Variants in TRPM3 observed in about 807,000 individuals in gnomAD.
The protein encoded by TRPM3 is transient receptor potential cation channel subfamily M member 3.
TRPM3 carries 77 observed loss-of-function variants against 181.2 expected under a neutral mutation model. The ratio of observed to expected loss-of-function variants is 0.42; its 90% CI spans 0.35 to 0.51. TRPM3 has a LOEUF of 0.51. TRPM3 is among the 20% of genes least tolerant of loss of function. TRPM3 has a pLI of 0.01. For synonymous variants in TRPM3, 745 were observed against 796.4 expected (o/e 0.94, Z 1.09); for missense variants, 1,759 against 2,196.7 (o/e 0.80, Z 3.98).
intron 1 of TRPM3, among the ~76,000 whole-genome samples, chr9:70,992,747 G>T (rs748434465): frequency 6.6e-6 from 1 of 152,190 alleles, no homozygotes; most frequent in Non-Finnish European, 1.5e-5. Context: ...ATTCTAGAGG[G>T]TGTGTGGTAG....
At chr9:71,158,437 T>C (rs1227222817) in intron 1 of TRPM3, among the ~76,000 whole-genome samples, 3 of 152,284 alleles carry the variant, frequency 2.0e-5, no homozygotes, top group South Asian at 2.1e-4. Flanking sequence ...TGTAGACCTG[T>C]TAACAATTTA....
intron 1 of TRPM3, among the ~76,000 whole-genome samples, chr9:71,437,950 A>T (rs992029082): frequency 2.0e-5 from 3 of 152,110 alleles, no homozygotes; most frequent in Non-Finnish European, 4.4e-5. Context: ...TTCTCTAAGC[A>T]ATCATCCCCA....
At chr9:70,596,712 C>CAAA (rs33932883) in intron 21 of TRPM3, among the ~76,000 whole-genome samples, 2 of 132,110 alleles carry the variant, frequency 1.5e-5, no homozygotes, top group Non-Finnish European at 3.2e-5. Flanking sequence ...AAAACACTGT[C>CAAA]AAAAAAAAAA....
intron 1 of TRPM3, among the ~76,000 whole-genome samples, chr9:71,212,851 CTATG>C (rs3041656): frequency 3.3e-5 from 5 of 150,966 alleles, no homozygotes; most frequent in African/African-American, 7.3e-5. Flanking sequence ...GCCAGCTTTA[CTATG>C]TATGTATGTA....
At chr9:71,272,459 T>C (rs1588225504) in intron 1 of TRPM3, among the ~76,000 whole-genome samples, 1 of 152,192 alleles carries the variant, frequency 6.6e-6, no homozygotes, top group Non-Finnish European at 1.5e-5. Flanking sequence ...GGTATTGGTA[T>C]ATTCATTAGC....
chr9:71,332,376 G>GCGCGCGTGTGTGT (rs2090261288), intron 1 of TRPM3, among the ~76,000 whole-genome samples: 1 of 142,248 alleles, frequency 7.0e-6, no homozygotes, highest in African/African-American at 2.6e-5. Flanking sequence ...TTCAATGTTG[G>GCGCGCGTGTGTGT]GTGTGTGTGT....
intron 1 of TRPM3, among the ~76,000 whole-genome samples, chr9:70,968,675 T>G (rs571181003): frequency 2.6e-5 from 4 of 152,310 alleles, no homozygotes; most frequent in Non-Finnish European, 5.9e-5. Flanking sequence ...TGGGATGGTT[T>G]TTTTTGTGTT....
intron 1 of TRPM3, among the ~76,000 whole-genome samples, chr9:71,223,051 G>T (rs191874468): frequency 6.6e-6 from 1 of 151,978 alleles, no homozygotes; most frequent in Non-Finnish European, 1.5e-5. Context: ...GGGGCTGGGG[G>T]TGGTGGGCAT....
At chr9:71,042,070 T>C (rs985713338) in intron 1 of TRPM3, among the ~76,000 whole-genome samples, 2 of 152,196 alleles carry the variant, frequency 1.3e-5, no homozygotes, top group East Asian at 3.8e-4. Flanking sequence ...CGAGAGACAT[T>C]ATTATTCCCA....
At position 71,065,429 on chromosome 9, in the gene TRPM3, C is replaced by A. The variant is rs75596879; in HGVS notation, c.177+55749G>T. Among the ~76,000 whole-genome samples the A allele has an allele frequency of 4.9e-3, 752 of 152,128 alleles. 18 individuals are homozygous for A. In the East Asian group the frequency reaches 0.078, roughly 16 times the overall value. ...TTAATGAGTGAATCAATGAATTAGC[C>A]CTCTGAACACGGGAGAGTTAAGGGA... is the stretch of plus-strand genomic sequence containing the variant. On this transcript the variant is annotated intron_variant, in intron 1 of 25. Transcript: ENST00000677713.
chr9:71,288,271 T>C (rs183965525), intron 1 of TRPM3, among the ~76,000 whole-genome samples: 3 of 152,046 alleles, frequency 2.0e-5, no homozygotes, highest in Admixed American at 6.6e-5. Context: ...TGTTAGCATC[T>C]CATAATATTG....
intron 1 of TRPM3, among the ~76,000 whole-genome samples, chr9:71,025,791 C>T (rs1343436104): frequency 6.6e-6 from 1 of 152,168 alleles, no homozygotes; most frequent in Admixed American, 6.5e-5. Context: ...CAACTAAACA[C>T]AGCCAGGAGG....
intron 8 of TRPM3, among the ~76,000 whole-genome samples, chr9:70,682,139 T>C (rs1238876951): frequency 6.6e-6 from 1 of 152,134 alleles, no homozygotes; most frequent in Non-Finnish European, 1.5e-5. Flanking sequence ...GCAGCCTGAA[T>C]AGACTAAGAC....
chr9:71,302,521 T>C (rs2132338096), intron 1 of TRPM3, among the ~76,000 whole-genome samples: 1 of 152,338 alleles, frequency 6.6e-6, no homozygotes, highest in South Asian at 2.1e-4. Context: ...TTCTTGACAG[T>C]CATTGTATTC....
At chr9:70,636,953 G>A (rs982008386) in intron 11 of TRPM3, among the ~76,000 whole-genome samples, 5 of 152,142 alleles carry the variant, frequency 3.3e-5, no homozygotes, top group African/African-American at 9.7e-5. Context: ...CTCCCAAAGT[G>A]CTGGGAGGCC....
chr9:71,081,886 G>T (rs956542930), intron 1 of TRPM3, among the ~76,000 whole-genome samples: 5 of 152,086 alleles, frequency 3.3e-5, no homozygotes, highest in African/African-American at 1.2e-4. Context: ...TTGCCACTTG[G>T]ATTCATTGGA....
intron 7 of TRPM3, among the ~76,000 whole-genome samples, chr9:70,767,007 T>C (rs1182586317): frequency 3.3e-5 from 5 of 152,254 alleles, no homozygotes; most frequent in Non-Finnish European, 7.3e-5. Context: ...TAGCAAGTCC[T>C]GCACAAGCGT....
intron 1 of TRPM3, among the ~76,000 whole-genome samples, chr9:70,947,189 T>A (rs1319571916): frequency 6.6e-6 from 1 of 152,176 alleles, no homozygotes; most frequent in Non-Finnish European, 1.5e-5. Flanking sequence ...GTGTGTGAAT[T>A]CCACTTTATC....
chr9:71,160,023 A>G (rs535712365), intron 1 of TRPM3, among the ~76,000 whole-genome samples: 1 of 152,176 alleles, frequency 6.6e-6, no homozygotes, highest in East Asian at 1.9e-4. Flanking sequence ...ACCTCCCTAC[A>G]ACCCCACTAC....
Sources: allele counts gnomAD v4.1 joint callset (sites outside exome capture counted in the v4.1 genomes callset), GRCh38; gene constraint gnomAD v4.1.1; transcripts MANE v1.5; gene names NCBI Gene and HGNC (gene_info 2026-07-23, HGNC 2026-07-21).